The following PNMA3 variants were observed in gnomAD, a reference collection of about 807,000 sequenced individuals.
The protein encoded by PNMA3 is PNMA family member 3.
In PNMA3, 10 loss-of-function variants were observed where a neutral mutation model predicts 25.1. The observed-to-expected ratio is 0.40, with a 90% CI of 0.25 to 0.68. PNMA3 has a LOEUF of 0.68. Ranked by LOEUF, PNMA3 falls within the 30% of genes least tolerant of loss-of-function variation. PNMA3 has a pLI of 0.40. For synonymous variants in PNMA3, 134 were observed against 148.7 expected (o/e 0.90, Z 0.72); for missense variants, 317 against 372.1 (o/e 0.85, Z 1.22).
rs782222999 is a variant in PNMA3, at chrX:153,058,550, G to A, written c.*103G>A. ...CCCAGACAAACAGCAGATGAGTTGA[G>A]TGGGGCAGAGGGACAGGGCAGCCAG... On this transcript the variant is annotated 3_prime_UTR_variant, in exon 2 of 2. Transcript: ENST00000593810. 1 of 1,202,802 alleles carries A rather than the reference G, an allele frequency of 8.3e-7. No individual in the cohort carries two copies. Among genetic ancestry groups the A allele is most frequent in the Non-Finnish European group, 1.1e-6 (1 of 890,633 alleles).
rs1221330959 is a variant in PNMA3 at position 153,059,333 on chromosome X, T to C, written c.*886T>C. 1 of 122,909 alleles carries C rather than the reference T, an allele frequency of 8.1e-6. No homozygotes were observed. The highest frequency in any genetic ancestry group is 9.4e-5 in the Admixed American group (1 of 10,609). The allele number at this position is 122,909 out of a possible 1,213,427, so 10.1% of individuals were successfully genotyped here. A position where few individuals can be genotyped will look rare whatever the true frequency, so the allele number is the denominator to read the frequency against. ...AAGCAAGGAGAACCTGGGGCTGCCA[T>C]GGCCAAAGCAACTCAACAGATGCCA... On this transcript the variant is annotated 3_prime_UTR_variant, in exon 2 of 2. Transcript: ENST00000593810.
rs1556932068 is a variant in PNMA3 at position 153,057,206 on chromosome X, G to A, written c.151G>A (p.Val51Met). The A allele has an allele frequency of 4.1e-6, 5 of 1,211,976 alleles. No homozygotes were observed. The highest frequency in any genetic ancestry group is 5.6e-6 in the Non-Finnish European group (5 of 895,549). The change falls in exon 2 of 2, where the codon GTG (valine) becomes ATG (methionine). Residue 51 changes from valine (V) to methionine (M), a missense_variant. Coordinates refer to ENST00000593810, the MANE Select transcript of PNMA3 (RefSeq NM_013364.6). ...TTGCAGGCACCTGGGCAGATACAGG[G>A]TGATTGGCAGGATGTTTAGGAGGGA... ...EACRHLGRYR[V>M]IGRMFRREEN...
chrX:153,056,881 G>T, intron 1 of PNMA3, 69 bp from the exon 2 acceptor site: 1 of 592,373 alleles, frequency 1.7e-6, no homozygotes, highest in Non-Finnish European at 2.4e-6. Context: ...TGGGGGTGGG[G>T]GTGGGCGTGG....
At chrX:153,056,922 C>T (rs953464573) in intron 1 of PNMA3, 28 bp from the exon 2 acceptor site, 5 of 923,899 alleles carry the variant, frequency 5.4e-6, no homozygotes, top group South Asian at 2.8e-5. Context: ...GGGCATTAAC[C>T]TCGCTCTCGC....
chrX:153,056,805 T>G (rs868963488), intron 1 of PNMA3, 145 bp from the exon 2 acceptor site: 282 of 131,747 alleles, frequency 2.1e-3, no homozygotes, highest in African/African-American at 1.0e-2. Flanking sequence ...GGGGTGGGGG[T>G]GGGGGGCTGG....
Position 153,057,013 on chromosome X carries a change from C to T in PNMA3, c.-43C>T, listed in dbSNP as rs1252105117. 5 of 1,185,367 alleles carry T rather than the reference C, an allele frequency of 4.2e-6. No homozygotes were observed. The highest frequency in any genetic ancestry group is 3.5e-5 in the African/African-American group (2 of 56,914). The stretch of plus-strand genomic sequence containing the variant: ...TTGATCCAGATATGTGCCTCACGCC[C>T]TGATCACTCCCCCCAAATTAGTATC... On this transcript the variant is annotated 5_prime_UTR_variant, in exon 2 of 2. Transcript: ENST00000593810.
At position 153,057,438 on chromosome X, in the gene PNMA3, C is replaced by T; in HGVS notation, c.383C>T (p.Thr128Ile). ...SDMNRVLGSDTNCSAPRVTIS... is the reference protein window; with the variant it reads ...SDMNRVLGSDINCSAPRVTIS... ...ATGAACCGAGTCCTCGGGTCGGACACCAATTGTTCGGCTCCAAGAGTGACT... is the reference window on the plus strand; with the variant it reads ...ATGAACCGAGTCCTCGGGTCGGACATCAATTGTTCGGCTCCAAGAGTGACT... The change falls in exon 2 of 2, where the codon ACC becomes ATC. Residue 128 changes from threonine to isoleucine, a missense_variant. By Grantham distance (89) the Thr-to-Ile change is moderately conservative. Transcript: ENST00000593810. 1 of 1,210,595 alleles carries T rather than the reference C, an allele frequency of 8.3e-7. No homozygotes were observed.
rs1269742898 is a variant in PNMA3 at position 153,059,596 on chromosome X, C to T, written c.*1149C>T. 1 of 123,961 alleles carries T rather than the reference C, an allele frequency of 8.1e-6. No individual in the cohort carries two copies. The highest frequency in any genetic ancestry group is 9.3e-5 in the Admixed American group (1 of 10,787). The allele number at this position is 123,961 out of a possible 1,213,427, so 10.2% of individuals were successfully genotyped here. On this transcript the variant is annotated 3_prime_UTR_variant, in exon 2 of 2. Coordinates refer to ENST00000593810, the MANE Select transcript of PNMA3 (RefSeq NM_013364.6). ...TTCCCGGGACAGGCTGCCCCCTGTTCCAGGAAGCTCATCCTCACCTGTGTA... is the reference window on the plus strand; with the variant it reads ...TTCCCGGGACAGGCTGCCCCCTGTTTCAGGAAGCTCATCCTCACCTGTGTA...
Position 153,057,120 on chromosome X carries a change from T to C in PNMA3, c.65T>C (p.Leu22Pro). ...CACCTGAACACCCGGAGGTGCATGC[T>C]CATCCTGGGGATCCCCGAGGACTGT... Reference protein sequence around the residue: ...GEHLNTRRCMLILGIPEDCGE... With the variant: ...GEHLNTRRCMPILGIPEDCGE... Residue 22 changes from leucine to proline, a missense_variant, in exon 2 of 2, where the codon CTC (leucine) becomes CCC (proline). Leu to Pro is a moderately conservative substitution (Grantham distance 98, BLOSUM62 -3). Coordinates refer to ENST00000593810, the MANE Select transcript of PNMA3 (RefSeq NM_013364.6). The C allele has an allele frequency of 8.3e-7, 1 of 1,211,687 alleles. No individual in the cohort carries two copies. The highest frequency in any genetic ancestry group is 1.1e-6 in the Non-Finnish European group (1 of 895,450).
In PNMA3 at chrX:153,057,885, G is replaced by A. The variant is rs782280451; in HGVS notation, c.830G>A (p.Arg277Lys). Residue 277 changes from arginine to lysine, a missense_variant, in exon 2 of 2, where the codon AGA becomes AAA. Transcript: ENST00000593810. ...TTACGTTTGGAACCCCTGCTCCAAA[G>A]AGCTGTAGAAAACAATGTGGTATCA... The part of the protein sequence containing the change: ...FVLRLEPLLQ[R>K]AVENNVVSRR... 9.8e-5 allele frequency: 119 copies of A among 1,211,616 alleles called. No individual in the cohort carries two copies. Among genetic ancestry groups the A allele is most frequent in the Non-Finnish European group, 1.3e-4 (116 of 895,546 alleles).
In PNMA3 at chrX:153,058,686, G is replaced by T; in HGVS notation, c.*239G>T. 2 of 1,012,865 alleles carry T rather than the reference G, an allele frequency of 2.0e-6. No individual in the cohort carries two copies. The highest frequency in any genetic ancestry group is 3.3e-5 in the East Asian group (1 of 30,043). The allele number at this position is 1,012,865 out of a possible 1,213,427, so 83.5% of individuals were successfully genotyped here. A position where few individuals can be genotyped will look rare whatever the true frequency, so the allele number is the denominator to read the frequency against. On this transcript the variant is annotated 3_prime_UTR_variant, in exon 2 of 2. Transcript: ENST00000593810. ...GGTCCAGGTCCCCGAAGAGGTGCTG[G>T]AGAGGAAAGCAGGGAGCCACTGCAT...
Position 153,058,271 on chromosome X carries a change from A to G in PNMA3, c.1216A>G (p.Arg406Gly), listed in dbSNP as rs781976980. The G allele has an allele frequency of 2.5e-6, 3 of 1,212,301 alleles. No individual in the cohort carries two copies. The highest frequency in any genetic ancestry group is 3.5e-5 in the South Asian group (2 of 57,021). Reference protein sequence around the residue: ...GVARAGSRGSRKRKRHTFCYS... With the variant: ...GVARAGSRGSGKRKRHTFCYS... ...GGCAAGGGCTGGCTCTCGAGGCTCA[A>G]GAAAACGGAAACGCCACACATTCTG... The change falls in exon 2 of 2, where the codon AGA (arginine) becomes GGA (glycine). Residue 406 changes from arginine (R) to glycine (G), a missense_variant. Physicochemically the swap from Arg to Gly is moderately radical, Grantham distance 125. Coordinates refer to ENST00000593810, the MANE Select transcript of PNMA3 (RefSeq NM_013364.6).
rs782084399 is a variant in PNMA3 at position 153,058,405 on chromosome X, C to G, written c.1350C>G (p.Asn450Lys). The stretch of plus-strand genomic sequence containing the variant: ...CTGCAGTTGAGTCGGGAAACGGGAA[C>G]TGGGCTTGGGACAAGAGCCATCCCA... ...KQAAVESGNG[N>K]WAWDKSHPKS... The change falls in exon 2 of 2, where the codon AAC (asparagine) becomes AAG (lysine). Residue 450 changes from asparagine (N) to lysine (K), a missense_variant. Transcript: ENST00000593810. 6.6e-6 allele frequency: 8 copies of G among 1,212,164 alleles called. No individual in the cohort carries two copies. Among genetic ancestry groups the G allele is most frequent in the Non-Finnish European group, 8.9e-6 (8 of 895,479 alleles).
rs2124043013 is a variant in PNMA3 at position 153,059,590 on chromosome X, C to T, written c.*1143C>T. 1 of 123,975 alleles carries T rather than the reference C, an allele frequency of 8.1e-6. No homozygotes were observed. Among genetic ancestry groups the T allele is most frequent in the Non-Finnish European group, 1.9e-5 (1 of 53,341 alleles). 10.2% of individuals were successfully genotyped at this position (123,975 alleles called of 1,213,427 possible). ...TCACTGTTCCCGGGACAGGCTGCCC[C>T]CTGTTCCAGGAAGCTCATCCTCACC... On this transcript the variant is annotated 3_prime_UTR_variant, in exon 2 of 2. Transcript: ENST00000593810.
Position 153,057,646 on chromosome X carries a change from C to T in PNMA3, c.591C>T (p.Pro197=), listed in dbSNP as rs782801655. The T allele has an allele frequency of 1.7e-5, 21 of 1,210,759 alleles. No homozygotes were observed. The highest frequency in any genetic ancestry group is 6.5e-5 in the Admixed American group (3 of 46,071). Residue 197 remains proline, a synonymous_variant, in exon 2 of 2, where the codon CCC becomes CCT. Coordinates refer to ENST00000593810, the MANE Select transcript of PNMA3 (RefSeq NM_013364.6). ...AGATGCTACAGATGTGGCAGGTGCC[C>T]GAGGGGGAAAAGAGGCGGAGGCTGA... is the stretch of plus-strand genomic sequence containing the variant. The part of the protein sequence containing the change: ...TTEMLQMWQV[P]EGEKRRRLME...
rs1387964286 is a variant in PNMA3, at chrX:153,057,080, T to C, written c.25T>C (p.Trp9Arg). The change falls in exon 2 of 2, where the codon TGG (tryptophan) becomes CGG (arginine). Residue 9 changes from tryptophan to arginine, a missense_variant. Physicochemically the swap from Trp to Arg is moderately radical, Grantham distance 101. Transcript: ENST00000593810. MPLTLLQD[W>R]CRGEHLNTRR... is the part of the protein sequence containing the mutation. ...CATGCCGTTGACCTTGTTACAGGAC[T>C]GGTGTCGGGGGGAACACCTGAACAC... 8.3e-7 allele frequency: 1 copy of C among 1,209,043 alleles called. No individual in the cohort carries two copies. The highest frequency in any genetic ancestry group is 1.1e-6 in the Non-Finnish European group (1 of 894,757).
At position 153,059,968 on chromosome X, in the gene PNMA3, C is replaced by G. The variant is rs960959459; in HGVS notation, c.*1521C>G. The G allele has an allele frequency of 8.0e-6, 1 of 124,730 alleles. No homozygotes were observed. The allele number at this position is 124,730 out of a possible 1,213,427, so 10.3% of individuals were successfully genotyped here. A position where few individuals can be genotyped will look rare whatever the true frequency, so the allele number is the denominator to read the frequency against. On this transcript the variant is annotated 3_prime_UTR_variant, in exon 2 of 2. Transcript: ENST00000593810. Reference sequence around the variant, plus strand: ...CTCACCCTGTGACCACGATGGTGACCGTGACTGTGGGAGGAAGAACTGGAC... The same window carrying G: ...CTCACCCTGTGACCACGATGGTGACGGTGACTGTGGGAGGAAGAACTGGAC...
Position 153,057,927 on chromosome X carries a change from A to G in PNMA3, c.872A>G (p.Gln291Arg), listed in dbSNP as rs1235014378. 8.3e-7 allele frequency: 1 copy of G among 1,211,783 alleles called. No individual in the cohort carries two copies. Among genetic ancestry groups the G allele is most frequent in the African/African-American group, 1.7e-5 (1 of 57,717 alleles). ...GTGGTATCACGTAGAAACGTGAATC[A>G]GACTCGCCTGAAACGAGTCTTAAGT... ...NNVVSRRNVNQTRLKRVLSGA... is the reference protein window; with the variant it reads ...NNVVSRRNVNRTRLKRVLSGA... Residue 291 changes from glutamine to arginine, a missense_variant, in exon 2 of 2, where the codon CAG (glutamine) becomes CGG (arginine). Gln to Arg is a conservative substitution (Grantham distance 43). Coordinates refer to ENST00000593810, the MANE Select transcript of PNMA3 (RefSeq NM_013364.6).
In PNMA3 at chrX:153,056,544, C is replaced by G. The variant is rs2051139973; in HGVS notation, c.-201C>G. The G allele has an allele frequency of 8.1e-6, 1 of 123,069 alleles. No individual in the cohort carries two copies. Among genetic ancestry groups the G allele is most frequent in the Non-Finnish European group, 1.6e-5 (1 of 62,019 alleles). 10.1% of individuals were successfully genotyped at this position (123,069 alleles called of 1,213,427 possible). A position where few individuals can be genotyped will look rare whatever the true frequency, so the allele number is the denominator to read the frequency against. On this transcript the variant is annotated 5_prime_UTR_variant, in exon 1 of 2. Coordinates refer to ENST00000593810, the MANE Select transcript of PNMA3 (RefSeq NM_013364.6). ...ACGTCCGCGCTGGGAGCCAGGGGTGCCCGACCCCCGTCCGCCGCCGCCGCC... is the reference window on the plus strand; with the variant it reads ...ACGTCCGCGCTGGGAGCCAGGGGTGGCCGACCCCCGTCCGCCGCCGCCGCC...
Sources: gnomAD v4.1 joint callset for allele counts on GRCh38, gnomAD v4.1.1 for gene constraint, MANE v1.5 for transcripts, NCBI Gene and HGNC (gene_info 2026-07-23, HGNC 2026-07-21) for gene names.